Variants in MAGI2 observed in about 807,000 individuals in gnomAD.
The protein encoded by MAGI2 is membrane associated guanylate kinase, WW and PDZ domain containing 2.
Under a neutral mutation model 133.3 loss-of-function variants are expected in MAGI2, and 35 were observed. That is an observed-to-expected ratio of 0.26 (90% CI 0.20 to 0.35). MAGI2 has a LOEUF of 0.35. Among genes scored for constraint, MAGI2 ranks in the 10% least tolerant of loss-of-function variants. MAGI2 has a pLI of 1.00. For synonymous variants in MAGI2, 729 were observed against 710.6 expected (o/e 1.03, Z -0.41); for missense variants, 1,636 against 1,863.4 (o/e 0.88, Z 2.25).
rs1586044089 is a variant in MAGI2 at position 79,453,370 on chromosome 7, G to T, written c.-50C>A. The T allele has an allele frequency of 1.3e-6, 2 of 1,543,902 alleles. No homozygotes were observed. The highest frequency in any genetic ancestry group is 8.7e-7 in the Non-Finnish European group (1 of 1,148,152). On this transcript the variant is annotated 5_prime_UTR_variant, in exon 1 of 22. Coordinates refer to ENST00000354212, the MANE Select transcript of MAGI2 (RefSeq NM_012301.4). ...TCCTGGGCTCCTTGGGGTTAGGGGGGCTGGTGGTGAGAGAATGAGGATGGA... is the reference window on the plus strand; with the variant it reads ...TCCTGGGCTCCTTGGGGTTAGGGGGTCTGGTGGTGAGAGAATGAGGATGGA...
At position 78,257,003 on chromosome 7, in the gene MAGI2, A is replaced by AT. The variant is rs199705673; in HGVS notation, c.1409-423dup. ...TAGACGAAAAACAAAGCCCTAGCAT[A>AT]TTTTTTTTTGTATAAGTTGAATAAG... On this transcript the variant is annotated intron_variant, in intron 9 of 21. Transcript: ENST00000354212. Among the ~76,000 whole-genome samples the AT allele has an allele frequency of 1.1e-3, 169 of 151,510 alleles. 2 individuals are homozygous for AT. The highest frequency in any genetic ancestry group is 3.5e-3 in the African/African-American group (145 of 41,378).
chr7:78,646,381 C>T (rs1483692377), intron 2 of MAGI2, among the ~76,000 whole-genome samples: 2 of 152,042 alleles, frequency 1.3e-5, no homozygotes, highest in Non-Finnish European at 2.9e-5. Flanking sequence ...AGTAATGCTG[C>T]TTTAAAGCAA....
At position 78,767,210 on chromosome 7, in the gene MAGI2, C is replaced by G. The variant is rs561233590; in HGVS notation, c.419-139971G>C. On this transcript the variant is annotated intron_variant, in intron 2 of 21. Transcript: ENST00000354212. ...TTCACCATGTTGGCCAGGCTGGTTT[C>G]GAATTCCTAACCTTGTGATCCGCCT... 1.1e-4 allele frequency among the ~76,000 whole-genome samples: 16 copies of G among 152,150 alleles called. No individual in the cohort carries two copies. In the South Asian group the frequency reaches 3.1e-3, roughly 30 times the overall value.
intron 1 of MAGI2, among the ~76,000 whole-genome samples, chr7:79,218,015 T>C (rs1830157335): frequency 1.3e-5 from 2 of 152,012 alleles, no homozygotes; most frequent in Non-Finnish European, 2.9e-5. Context: ...TGTTTTGGTC[T>C]CAGCACTGAA....
chr7:79,432,582 G>A (rs996246914), intron 1 of MAGI2, among the ~76,000 whole-genome samples: 17 of 152,302 alleles, frequency 1.1e-4, no homozygotes, highest in Admixed American at 4.6e-4. Context: ...GGATGCCTGA[G>A]GTTTTCCTTG....
intron 2 of MAGI2, among the ~76,000 whole-genome samples, chr7:78,951,492 G>A (rs1225093570): frequency 2.0e-5 from 3 of 152,070 alleles, no homozygotes; most frequent in South Asian, 2.1e-4. Flanking sequence ...GGAAATGCCA[G>A]ACGCTTATAA....
chr7:79,311,023 A>G (rs1838243964), intron 1 of MAGI2, among the ~76,000 whole-genome samples: 1 of 152,040 alleles, frequency 6.6e-6, no homozygotes, highest in Non-Finnish European at 1.5e-5. Flanking sequence ...TCTCTTTACA[A>G]TAAAACCACC....
At chr7:78,922,135 T>TTCTA (rs1799286498) in intron 2 of MAGI2, among the ~76,000 whole-genome samples, 1 of 141,428 alleles carries the variant, frequency 7.1e-6, no homozygotes, top group Admixed American at 7.3e-5. Context: ...CTTTCTTTCT[T>TTCTA]TCTTTCTTTC....
At chr7:78,394,465 G>C (rs1324232492) in intron 6 of MAGI2, among the ~76,000 whole-genome samples, 1 of 152,042 alleles carries the variant, frequency 6.6e-6, no homozygotes, top group Non-Finnish European at 1.5e-5. Flanking sequence ...TTCGTGCTTA[G>C]GCTTGCCTTG....
chr7:78,660,205 A>G (rs982239935), intron 2 of MAGI2, among the ~76,000 whole-genome samples: 15 of 152,196 alleles, frequency 9.9e-5, no homozygotes, highest in Middle Eastern at 3.4e-3. Flanking sequence ...ACACCAACAT[A>G]GCACATGTAT....
At chr7:78,397,756 C>T (rs1019827064) in intron 6 of MAGI2, among the ~76,000 whole-genome samples, 2 of 152,110 alleles carry the variant, frequency 1.3e-5, no homozygotes, top group African/African-American at 2.4e-5. Context: ...CATGACTTCA[C>T]TGCTACTTAG....
intron 2 of MAGI2, among the ~76,000 whole-genome samples, chr7:78,633,740 G>GTGGTGTGATAAAA (rs1481555760): frequency 7.3e-5 from 11 of 150,394 alleles, no homozygotes; most frequent in Admixed American, 6.0e-4. Flanking sequence ...AGAGAATGCT[G>GTGGTGTGATAAAA]TGGTGTGATA....
chr7:78,345,412 AG>A (rs1337909541), intron 8 of MAGI2: 1 of 152,836 alleles, frequency 6.5e-6, no homozygotes, highest in Non-Finnish European at 1.5e-5. Flanking sequence ...TCCCAGGTGT[AG>A]TCAGGTCCCG....
At chr7:78,110,837 G>A (rs11765218) in intron 20 of MAGI2, among the ~76,000 whole-genome samples, 1 of 152,158 alleles carries the variant, frequency 6.6e-6, no homozygotes, top group Admixed American at 6.5e-5. Context: ...TGCCAATCAG[G>A]AGAACACTTC....
At chr7:79,083,036 C>A (rs1026292892) in intron 1 of MAGI2, among the ~76,000 whole-genome samples, 3 of 151,242 alleles carry the variant, frequency 2.0e-5, no homozygotes, top group Non-Finnish European at 3.0e-5. Flanking sequence ...TGATCTTCTG[C>A]TTGCTGAATT....
At chr7:78,960,752 C>T (rs1340428113) in intron 2 of MAGI2, among the ~76,000 whole-genome samples, 1 of 152,036 alleles carries the variant, frequency 6.6e-6, no homozygotes, top group East Asian at 1.9e-4. Flanking sequence ...AGTGAGTTAG[C>T]TAGAATTTGA....
intron 5 of MAGI2, among the ~76,000 whole-genome samples, chr7:78,496,407 G>A (rs1263916040): frequency 1.3e-5 from 2 of 152,108 alleles, no homozygotes; most frequent in Admixed American, 6.6e-5. Flanking sequence ...AGTCTCTTTT[G>A]TGTCACTAAC....
At chr7:78,812,925 C>G (rs185201698) in intron 2 of MAGI2, among the ~76,000 whole-genome samples, 5 of 152,226 alleles carry the variant, frequency 3.3e-5, no homozygotes, top group African/African-American at 9.6e-5. Context: ...CTTCCATCAT[C>G]AAGAATTGAA....
intron 4 of MAGI2, among the ~76,000 whole-genome samples, chr7:78,503,923 T>C (rs1033144769): frequency 8.7e-5 from 13 of 149,296 alleles, no homozygotes; most frequent in Admixed American, 2.0e-4. Context: ...ATTAAACCTC[T>C]TTCCTTTATA....
Sources: allele counts gnomAD v4.1 joint callset (sites outside exome capture counted in the v4.1 genomes callset), GRCh38; gene constraint gnomAD v4.1.1; transcripts MANE v1.5; gene names NCBI Gene and HGNC (gene_info 2026-07-23, HGNC 2026-07-21).